Variants in ATAD2B observed in about 807,000 individuals in gnomAD.
ATAD2B encodes ATPase family AAA domain-containing protein 2B.
Under a neutral mutation model 167.6 loss-of-function variants are expected in ATAD2B, and 40 were observed. The ratio of observed to expected loss-of-function variants is 0.24; its 90% CI spans 0.19 to 0.31. ATAD2B has a LOEUF of 0.31. ATAD2B is among the 10% of genes least tolerant of loss of function. The pLI, the probability that ATAD2B is intolerant of heterozygous loss-of-function variation, is 1.00. For synonymous variants in ATAD2B, 579 were observed against 596.5 expected, an observed-to-expected ratio of 0.97 and a Z score of 0.43; for missense variants, 1,242 against 1,757.2, an observed-to-expected ratio of 0.71 and a Z score of 5.24.
chr2:23,761,270 G>A (rs1048667848), intron 24 of ATAD2B, among the ~76,000 whole-genome samples: 3 of 152,138 alleles, frequency 2.0e-5, no homozygotes, highest in African/African-American at 7.2e-5. Context: ...AAAAAGGTGG[G>A]TATAGTTTAT....
the ATAD2B span, chr2:23,691,397 C>A: frequency 1.6e-5 from 8 of 498,006 alleles, no homozygotes; most frequent in Non-Finnish European, 7.3e-6. Flanking sequence ...TGGTCCTCGT[C>A]CCCATCCATA....
chr2:23,762,944 C>CAA (rs879257714), intron 23 of ATAD2B, among the ~76,000 whole-genome samples: 19 of 152,194 alleles, frequency 1.2e-4, no homozygotes, highest in African/African-American at 4.6e-4. Flanking sequence ...AGCGAAGTAT[C>CAA]ATTGTGTTCA....
intron 4 of ATAD2B, among the ~76,000 whole-genome samples, chr2:23,887,304 C>T (rs1274639013): frequency 1.3e-5 from 2 of 152,156 alleles, no homozygotes; most frequent in African/African-American, 4.8e-5. Flanking sequence ...ACAGGATCTT[C>T]CCACTTTAGC....
At chr2:23,836,335 T>C (rs1210576246) in intron 13 of ATAD2B, among the ~76,000 whole-genome samples, 1 of 152,106 alleles carries the variant, frequency 6.6e-6, no homozygotes, top group Non-Finnish European at 1.5e-5. Context: ...TGGTGGTGCC[T>C]GGAAGCTTGG....
chr2:23,805,484 G>A (rs975528895), intron 18 of ATAD2B, among the ~76,000 whole-genome samples: 2 of 152,090 alleles, frequency 1.3e-5, no homozygotes, highest in African/African-American at 2.4e-5. Context: ...CTGGTCCCAC[G>A]TGAAGGGATA....
At chr2:23,773,082 T>A (rs942245793) in intron 22 of ATAD2B, among the ~76,000 whole-genome samples, 1 of 152,184 alleles carries the variant, frequency 6.6e-6, no homozygotes, top group Non-Finnish European at 1.5e-5. Context: ...ATAATTCTTT[T>A]CAATCATTGT....
downstream of ATAD2B, among the ~76,000 whole-genome samples, chr2:23,746,294 G>C (rs530854728): frequency 6.6e-6 from 1 of 152,168 alleles, no homozygotes; most frequent in African/African-American, 2.4e-5. Context: ...GTGTGACCTT[G>C]AGCAAATTAA....
chr2:23,831,865 C>T (rs1014557456), intron 14 of ATAD2B, among the ~76,000 whole-genome samples: 4 of 152,186 alleles, frequency 2.6e-5, no homozygotes, highest in African/African-American at 9.7e-5. Flanking sequence ...CAATGAAACA[C>T]ATTATCTTGC....
At chr2:23,817,403 C>A (rs892909560) in intron 17 of ATAD2B, among the ~76,000 whole-genome samples, 6 of 152,148 alleles carry the variant, frequency 3.9e-5, no homozygotes, top group Non-Finnish European at 8.8e-5. Context: ...TCTTTACATA[C>A]CAAGCAAGTA....
intron 8 of ATAD2B, among the ~76,000 whole-genome samples, chr2:23,873,751 G>A (rs1696361810): frequency 6.6e-6 from 1 of 152,262 alleles, no homozygotes; most frequent in East Asian, 1.9e-4. Context: ...CGTAGCTTCA[G>A]TAAAAGCCAT....
At position 23,810,408 on chromosome 2, in the gene ATAD2B, A is replaced by G. The variant is rs370103250; in HGVS notation, c.2362T>C (p.Leu788=). ...ACAGAGAATCTTTCTAGAGTGTGCA[A>G]AAGTGCTGGAGCAAGGTGAGAAGTT... ...GQTSHLAPAL[L]HTLERFSVHR... Residue 788 remains leucine (L), a synonymous_variant, in exon 18 of 28, where the codon TTG becomes CTG. Transcript: ENST00000238789. The G allele has an allele frequency of 5.6e-6, 9 of 1,613,790 alleles. No homozygotes were observed. The highest frequency in any genetic ancestry group is 1.3e-5 in the African/African-American group (1 of 74,922).
chr2:23,858,214 G>A (rs1433986680), intron 12 of ATAD2B, among the ~76,000 whole-genome samples: 7 of 150,710 alleles, frequency 4.6e-5, no homozygotes, highest in African/African-American at 1.5e-4. Flanking sequence ...TCCGCCTCCC[G>A]GGTTCAACTG....
At chr2:23,904,354 A>G (rs1701211955) in intron 1 of ATAD2B, among the ~76,000 whole-genome samples, 1 of 152,172 alleles carries the variant, frequency 6.6e-6, no homozygotes, top group Admixed American at 6.6e-5. Context: ...GAGGATTTGT[A>G]AGTAAGAGAT....
At chr2:23,729,387 G>A in the ATAD2B span, among the ~76,000 whole-genome samples, 2 of 152,160 alleles carry the variant, frequency 1.3e-5, no homozygotes, top group Admixed American at 1.3e-4. Context: ...TAACCAGAAG[G>A]GGACTCGGCT....
intron 1 of ATAD2B, among the ~76,000 whole-genome samples, chr2:23,908,340 A>C (rs988411185): frequency 1.6e-4 from 24 of 152,348 alleles, no homozygotes; most frequent in African/African-American, 5.1e-4. Flanking sequence ...ATGAACAGAC[A>C]CTTCTCAAAA....
chr2:23,810,853 A>C (rs1389361617), intron 17 of ATAD2B, among the ~76,000 whole-genome samples: 1 of 152,236 alleles, frequency 6.6e-6, no homozygotes, highest in Non-Finnish European at 1.5e-5. Flanking sequence ...TCTACTAAAA[A>C]TACAAAAATT....
chr2:23,719,576 C>A, the ATAD2B span, among the ~76,000 whole-genome samples: 85,872 of 151,558 alleles, frequency 0.57, 25,097 homozygotes, highest in East Asian at 0.79. Flanking sequence ...AAGTGAAAAA[C>A]CTCCAAGCAG....
At chr2:23,717,211 G>A in the ATAD2B span, among the ~76,000 whole-genome samples, 2 of 152,174 alleles carry the variant, frequency 1.3e-5, no homozygotes, top group African/African-American at 2.4e-5. Flanking sequence ...GAGGAAGAAA[G>A]TAGAGAAAAG....
downstream of ATAD2B, among the ~76,000 whole-genome samples, chr2:23,745,331 G>C (rs1184967879): frequency 7.1e-6 from 1 of 140,006 alleles, no homozygotes; most frequent in African/African-American, 2.6e-5. Context: ...GCGAGAAAGA[G>C]AGAAAGAGAC....
Sources: gnomAD v4.1 joint callset for allele counts (sites outside exome capture counted in the v4.1 genomes callset) on GRCh38, gnomAD v4.1.1 for gene constraint, MANE v1.5 for transcripts, NCBI Gene and HGNC (gene_info 2026-07-23, HGNC 2026-07-21) for gene names.